The following GABBR2 variants were observed in gnomAD, a reference collection of about 807,000 sequenced individuals.
GABBR2 encodes G-protein coupled receptor 51.
Under a neutral mutation model 105.6 loss-of-function variants are expected in GABBR2, and 23 were observed. That is an observed-to-expected ratio of 0.22 (90% confidence interval 0.16 to 0.31). GABBR2 has a LOEUF of 0.31. GABBR2 is among the 10% of genes least tolerant of loss of function. The pLI is 1.00. For synonymous variants in GABBR2, 478 were observed against 499.7 expected, an observed-to-expected ratio of 0.96 and a Z score of 0.58; for missense variants, 734 against 1,245.5, an observed-to-expected ratio of 0.59 and a Z score of 6.18.
At chr9:98,340,433 T>TC (rs1554692229) in intron 13 of GABBR2, among the ~76,000 whole-genome samples, 5 of 114,582 alleles carry the variant, frequency 4.4e-5, no homozygotes, top group Admixed American at 2.3e-4. Context: ...TCTCTCTCTC[T>TC]TTTTTTTTTT....
At chr9:98,512,744 T>G (rs372468312) in intron 3 of GABBR2, among the ~76,000 whole-genome samples, 8 of 151,976 alleles carry the variant, frequency 5.3e-5, no homozygotes, top group Non-Finnish European at 1.0e-4. Context: ...CACTGCTCAA[T>G]GAAATAAAAC....
At chr9:98,322,017 C>T (rs1052218248) in intron 13 of GABBR2, among the ~76,000 whole-genome samples, 3 of 152,010 alleles carry the variant, frequency 2.0e-5, no homozygotes, top group Non-Finnish European at 4.4e-5. Context: ...CTCACACTCC[C>T]ATCCATCATC....
At chr9:98,653,250 C>T (rs1486486749) in intron 1 of GABBR2, among the ~76,000 whole-genome samples, 4 of 152,224 alleles carry the variant, frequency 2.6e-5, no homozygotes, top group African/African-American at 7.2e-5. Flanking sequence ...CCTCACACCT[C>T]GGCCTCCCAA....
chr9:98,466,986 A>G (rs1207544267), intron 6 of GABBR2, among the ~76,000 whole-genome samples: 1 of 152,184 alleles, frequency 6.6e-6, no homozygotes, highest in African/African-American at 2.4e-5. Context: ...AAATCCAGCC[A>G]TCACATCCAC....
chr9:98,633,342 G>A (rs1441707833), intron 1 of GABBR2, among the ~76,000 whole-genome samples: 1 of 152,156 alleles, frequency 6.6e-6, no homozygotes, highest in African/African-American at 2.4e-5. Context: ...AGAAGAACAG[G>A]CCAGGCGCAG....
At position 98,288,962 on chromosome 9, in the gene GABBR2, G is replaced by C. The variant is rs982790541; in HGVS notation, c.*1622C>G. ...TTGAAGCTGCCAATAGGTTTCTTTA[G>C]GGAGTGAGCGAGCTGCTCAGTTGTG... On this transcript the variant is annotated 3_prime_UTR_variant, in exon 19 of 19. Coordinates refer to ENST00000259455, the MANE Select transcript of GABBR2 (RefSeq NM_005458.8). 8.5e-5 allele frequency: 13 copies of C among 152,638 alleles called. No homozygotes were observed. Among genetic ancestry groups the C allele is most frequent in the Admixed American group, 3.3e-4 (5 of 15,282 alleles). The allele number at this position is 152,638 out of a possible 1,614,324, so 9.5% of individuals were successfully genotyped here.
At chr9:98,616,708 T>C (rs1462259387) in intron 1 of GABBR2, among the ~76,000 whole-genome samples, 1 of 149,918 alleles carries the variant, frequency 6.7e-6, no homozygotes, top group African/African-American at 2.5e-5. Flanking sequence ...AGGCCAAGAA[T>C]GCGCCACTGC....
chr9:98,322,604 AC>A (rs5899338), intron 13 of GABBR2, among the ~76,000 whole-genome samples: 79,735 of 144,480 alleles, frequency 0.55, 22,071 homozygotes, highest in East Asian at 0.77. Flanking sequence ...CCATGATCTG[AC>A]CCCCCCATAC....
Position 98,431,812 on chromosome 9 carries a change from C to T in GABBR2, c.1236+22169G>A, listed in dbSNP as rs1236049446. ...CCAGGTTCAAGCAATTCTCCTGCCT[C>T]AGCCTCCCAAGTAGCTGGGATTACA... is the stretch of plus-strand genomic sequence containing the variant. On this transcript the variant is annotated intron_variant, in intron 7 of 18. Transcript: ENST00000259455. 4.6e-5 allele frequency among the ~76,000 whole-genome samples: 7 copies of T among 152,286 alleles called. No homozygotes were observed. The East Asian group carries it at 1.3e-3, about 29-fold the overall frequency.
chr9:98,378,486 C>T (rs1369954601), intron 11 of GABBR2, among the ~76,000 whole-genome samples: 2 of 152,198 alleles, frequency 1.3e-5, no homozygotes, highest in African/African-American at 4.8e-5. Context: ...TCTGGTGCTC[C>T]CATTTATCTT....
intron 2 of GABBR2, among the ~76,000 whole-genome samples, chr9:98,564,724 G>A (rs1025827795): frequency 1.3e-5 from 2 of 152,196 alleles, no homozygotes; most frequent in African/African-American, 4.8e-5. Flanking sequence ...TTGAGGCAAG[G>A]CCCTTGGGGT....
intron 8 of GABBR2, among the ~76,000 whole-genome samples, chr9:98,395,389 A>G (rs912502329): frequency 6.6e-6 from 1 of 152,018 alleles, no homozygotes; most frequent in Non-Finnish European, 1.5e-5. Context: ...GATGCTCTTG[A>G]GTCTAGAGCT....
At chr9:98,417,774 G>T (rs1832714233) in intron 7 of GABBR2, among the ~76,000 whole-genome samples, 1 of 152,202 alleles carries the variant, frequency 6.6e-6, no homozygotes, top group African/African-American at 2.4e-5. Flanking sequence ...GAGTTGCTAG[G>T]AGAGAGTGGG....
intron 1 of GABBR2, among the ~76,000 whole-genome samples, chr9:98,605,775 T>C (rs180731338): frequency 7.8e-4 from 119 of 152,312 alleles, no homozygotes; most frequent in Non-Finnish European, 9.0e-4. Context: ...CTCGAGTTCA[T>C]GTGAGGATTT....
At chr9:98,589,187 C>A (rs1451688632) in intron 1 of GABBR2, among the ~76,000 whole-genome samples, 1 of 152,172 alleles carries the variant, frequency 6.6e-6, no homozygotes, top group South Asian at 2.1e-4. Flanking sequence ...TAGAGCAGTG[C>A]TGCTGCCAGG....
At chr9:98,413,323 T>A (rs1448550103) in intron 7 of GABBR2, among the ~76,000 whole-genome samples, 3 of 152,118 alleles carry the variant, frequency 2.0e-5, no homozygotes, top group Admixed American at 2.0e-4. Flanking sequence ...AGGGTGGAGA[T>A]CTGCATGACA....
intron 12 of GABBR2, among the ~76,000 whole-genome samples, chr9:98,363,416 ATTC>A (rs1338589366): frequency 6.6e-6 from 1 of 152,216 alleles, no homozygotes; most frequent in Non-Finnish European, 1.5e-5. Flanking sequence ...TATTGTTATT[ATTC>A]TTATTTTATG....
Position 98,301,137 on chromosome 9 carries a change from A to G in GABBR2, c.2413-1784T>C, listed in dbSNP as rs145656261. Among the ~76,000 whole-genome samples, 582 of 152,250 alleles carry G rather than the reference A, an allele frequency of 3.8e-3. 2 individuals carry two copies. The highest frequency in any genetic ancestry group is 0.013 in the African/African-American group (529 of 41,538). On this transcript the variant is annotated intron_variant, in intron 16 of 18. Transcript: ENST00000259455. ...TTCCGTGAGCCCCTCTAGCAAATTA[A>G]TTCAACCCAAAGCAGGATCCTGGGA...
At chr9:98,312,728 T>C (rs1333936322) in intron 13 of GABBR2, among the ~76,000 whole-genome samples, 1 of 152,204 alleles carries the variant, frequency 6.6e-6, no homozygotes, top group Non-Finnish European at 1.5e-5. Flanking sequence ...AGAGCTTTCC[T>C]TTCCTCCCAT....
Sources: gnomAD v4.1 joint callset for allele counts (sites outside exome capture counted in the v4.1 genomes callset) on GRCh38, gnomAD v4.1.1 for gene constraint, MANE v1.5 for transcripts, NCBI Gene and HGNC (gene_info 2026-07-23, HGNC 2026-07-21) for gene names.